ATAT1: variants seen among roughly 807,000 people sequenced by gnomAD.
ATAT1 encodes the protein alpha-tubulin N-acetyltransferase 1.
Under a neutral mutation model 57.2 loss-of-function variants are expected in ATAT1, and 42 were observed. The observed-to-expected ratio is 0.73, with a 90% CI of 0.57 to 0.95. The LOEUF is 0.95. Ranked by LOEUF, ATAT1 falls within the 40% of genes least tolerant of loss-of-function variation. ATAT1 has a pLI of 0.00. For synonymous variants in ATAT1, 168 were observed against 187.1 expected (o/e 0.90, Z 0.83); for missense variants, 454 against 523.7 (o/e 0.87, Z 1.30).
Position 30,646,742 on chromosome 6 carries a change from C to A in ATAT1, c.*99C>A, listed in dbSNP as rs1582896374. 2 of 1,384,628 alleles carry A rather than the reference C, an allele frequency of 1.4e-6. No individual in the cohort carries two copies. The highest frequency in any genetic ancestry group is 2.7e-5 in the East Asian group (1 of 37,562). The allele number at this position is 1,384,628 out of a possible 1,614,324, so 85.8% of individuals were successfully genotyped here. A position where few individuals can be genotyped will look rare whatever the true frequency, so the allele number is the denominator to read the frequency against. On this transcript the variant is annotated 3_prime_UTR_variant, in exon 13 of 13. Transcript: ENST00000330083. ...TAATAGATGGATACATTCATTCATT[C>A]ATTCATTCAGCAGGCTTATCAGATT...
chr6:30,635,718 G>A (rs1462126941), intron 6 of ATAT1, among the ~76,000 whole-genome samples: 1 of 152,218 alleles, frequency 6.6e-6, no homozygotes, highest in African/African-American at 2.4e-5. Flanking sequence ...AGAGGTCTGA[G>A]AAGTTACCAT....
At chr6:30,629,919 C>G (rs1450933256) in intron 6 of ATAT1, among the ~76,000 whole-genome samples, 1 of 152,196 alleles carries the variant, frequency 6.6e-6, no homozygotes, top group Admixed American at 6.5e-5. Context: ...CATTACTCAT[C>G]TGGTCAGTCA....
At chr6:30,642,649 G>GAA (rs377430159) in intron 9 of ATAT1, 119 bp from the exon 10 acceptor site, 686 of 589,908 alleles carry the variant, frequency 1.2e-3, no homozygotes, top group East Asian at 6.9e-3. Context: ...TCTCAAAAAA[G>GAA]AAAAAAAAAA....
chr6:30,629,396 A>G (rs1762369338), intron 6 of ATAT1, among the ~76,000 whole-genome samples: 1 of 151,878 alleles, frequency 6.6e-6, no homozygotes, highest in African/African-American at 2.4e-5. Context: ...GGCATGCACC[A>G]TCATGCCCAG....
At chr6:30,646,250 TC>T in intron 12 of ATAT1, 141 bp downstream of exon 12, 1 of 1,471,508 alleles carries the variant, frequency 6.8e-7, no homozygotes, top group Non-Finnish European at 9.0e-7. Flanking sequence ...CTACCTTACA[TC>T]CTGCAAGCCC....
Position 30,645,972 on chromosome 6 carries a change from C to G in ATAT1, c.1010C>G (p.Thr337Arg). 6.3e-7 allele frequency: 1 copy of G among 1,582,562 alleles called. No homozygotes were observed. The highest frequency in any genetic ancestry group is 8.6e-7 in the Non-Finnish European group (1 of 1,164,228). Residue 337 changes from threonine to arginine, a missense_variant and splice_region_variant, in exon 11 of 13, where the codon ACA becomes AGA. Thr to Arg is a moderately conservative substitution (Grantham distance 71). Coordinates refer to ENST00000330083, the MANE Select transcript of ATAT1 (RefSeq NM_001031722.4). ...GGGGTGAATTCCTCATCCCCCAATA[C>G]AGGTAAGTATTCACTCCTCCCTACC...
At position 30,642,157 on chromosome 6, in the gene ATAT1, A is replaced by T. The variant is rs1765584390; in HGVS notation, c.617-19A>T. ...ATGTCTCCTAACGCTTACCCTGCCTATGTCCCCTCCACTGCCAGCTCCAGC... is the reference window on the plus strand; with the variant it reads ...ATGTCTCCTAACGCTTACCCTGCCTTTGTCCCCTCCACTGCCAGCTCCAGC... On this transcript the variant is annotated intron_variant, in intron 8 of 12. Transcript: ENST00000330083. 5 of 1,613,968 alleles carry T rather than the reference A, an allele frequency of 3.1e-6. No individual in the cohort carries two copies. The East Asian group carries it at 1.1e-4, about 36-fold the overall frequency.
Position 30,643,540 on chromosome 6 carries a change from G to A in ATAT1, c.932+529G>A, listed in dbSNP as rs764462387. On this transcript the variant is annotated intron_variant, in intron 10 of 12. Coordinates refer to ENST00000330083, the MANE Select transcript of ATAT1 (RefSeq NM_001031722.4). ...ACATCCTTCCACAGCTCCCTTCCCC[G>A]CTCTGAGGAGAGTCGATACTAACAG... 239 of 1,548,292 alleles carry A rather than the reference G, an allele frequency of 1.5e-4. 1 individual carries two copies. Among genetic ancestry groups the A allele is most frequent in the South Asian group, 3.0e-4 (25 of 83,914 alleles).
intron 10 of ATAT1, 118 bp downstream of exon 10, chr6:30,643,129 G>C: frequency 2.6e-6 from 4 of 1,511,062 alleles, no homozygotes; most frequent in Non-Finnish European, 3.5e-6. Context: ...GCTTGGGGGG[G>C]GTCCTGAAAC....
chr6:30,642,831 C>CGGGGGGGGGCG lies in ATAT1; in HGVS notation c.752_753insGGGGGGGGGCG (p.Ala252GlyfsTer71). 1 of 1,583,208 alleles carries CGGGGGGGGGCG rather than the reference C, an allele frequency of 6.3e-7. No homozygotes were observed. Among genetic ancestry groups the CGGGGGGGGGCG allele is most frequent in the Non-Finnish European group, 8.6e-7 (1 of 1,162,434 alleles). On this transcript the variant is annotated frameshift_variant, in exon 10 of 13. Transcript: ENST00000330083. LOFTEE classifies it high-confidence loss of function. ...AGGGCCCCTCGCCGCGCCACACCTC[C>CGGGGGGGGGCG]AGCCCACCCACCCCCCCGCTCCAGC...
rs1313681459 is a variant in ATAT1 at position 30,646,339 on chromosome 6, A to G, written c.1056-130A>G. 3.5e-6 allele frequency: 5 copies of G among 1,447,830 alleles called. No individual in the cohort carries two copies. In the African/African-American group the frequency reaches 7.2e-5, roughly 21 times the overall value. 89.7% of individuals were successfully genotyped at this position (1,447,830 alleles called of 1,614,324 possible). A position where few individuals can be genotyped will look rare whatever the true frequency, so the allele number is the denominator to read the frequency against. On this transcript the variant is annotated intron_variant, in intron 12 of 12. Coordinates refer to ENST00000330083, the MANE Select transcript of ATAT1 (RefSeq NM_001031722.4). ...GAGAGGTTTTAAATTTGGACATAGC[A>G]CTAATGGTTCCAGCTTCATACCCAT...
At position 30,640,573 on chromosome 6, in the gene ATAT1, C is replaced by A. The variant is rs1401047783; in HGVS notation, c.586C>A (p.Arg196Ser). 6 of 1,613,012 alleles carry A rather than the reference C, an allele frequency of 3.7e-6. No individual in the cohort carries two copies. Among genetic ancestry groups the A allele is most frequent in the Non-Finnish European group, 5.1e-6 (6 of 1,180,038 alleles). The change falls in exon 8 of 13, where the codon CGT becomes AGT. Residue 196 changes from arginine (R) to serine (S), a missense_variant. Physicochemically the swap from Arg to Ser is moderately radical, Grantham distance 110 (BLOSUM62 -1). Coordinates refer to ENST00000330083, the MANE Select transcript of ATAT1 (RefSeq NM_001031722.4). ...CTCTCTGAGGGCAACTCGACACTCT[C>A]GTGCTGCTGCAGTCGATCCCACGCC...
At chr6:30,629,210 C>A (rs1392598664) in intron 6 of ATAT1, among the ~76,000 whole-genome samples, 4 of 150,228 alleles carry the variant, frequency 2.7e-5, no homozygotes. Context: ...TATTTTGATT[C>A]TTTACCACAA....
chr6:30,642,679 C>T, intron 9 of ATAT1, 89 bp from the exon 10 acceptor site: 1 of 831,554 alleles, frequency 1.2e-6, no homozygotes, highest in Non-Finnish European at 1.9e-6. Context: ...ACTCAGATTT[C>T]TCTTTTTTTC....
intron 6 of ATAT1, among the ~76,000 whole-genome samples, chr6:30,639,970 A>G (rs753534654): frequency 2.7e-4 from 41 of 151,982 alleles, no homozygotes; most frequent in South Asian, 8.3e-4. Flanking sequence ...CCCCATCTCT[A>G]CAAAAAGTTA....
intron 2 of ATAT1, 57 bp downstream of exon 2, chr6:30,627,577 A>AG: frequency 6.2e-7 from 1 of 1,607,220 alleles, no homozygotes; most frequent in Non-Finnish European, 8.5e-7. Flanking sequence ...ATGGTATATA[A>AG]GGGAGGCCTG....
intron 9 of ATAT1, 90 bp from the exon 10 acceptor site, chr6:30,642,678 T>C: frequency 1.2e-6 from 1 of 868,804 alleles, no homozygotes; most frequent in Non-Finnish European, 1.8e-6. Context: ...GACTCAGATT[T>C]CTCTTTTTTT....
At position 30,627,473 on chromosome 6, in the gene ATAT1, C is replaced by A. The variant is rs1383618437; in HGVS notation, c.85C>A (p.Gln29Lys). The change falls in exon 2 of 13, where the codon CAG becomes AAG. Residue 29 changes from glutamine to lysine, a missense_variant. Physicochemically the swap from Gln to Lys is moderately conservative, Grantham distance 53. Transcript: ENST00000330083. Reference sequence around the variant, plus strand: ...CTCTTTCTCTAGTGTTGATCTACAGCAGCAAATTATGACCATTATAGATGA... The same window carrying A: ...CTCTTTCTCTAGTGTTGATCTACAGAAGCAAATTATGACCATTATAGATGA... 6.2e-7 allele frequency: 1 copy of A among 1,613,500 alleles called. No homozygotes were observed. Among genetic ancestry groups the A allele is most frequent in the Non-Finnish European group, 8.5e-7 (1 of 1,179,678 alleles).
chr6:30,628,521 C>A, intron 6 of ATAT1, 91 bp downstream of exon 6: 2 of 1,044,050 alleles, frequency 1.9e-6, no homozygotes, highest in South Asian at 1.5e-5. Flanking sequence ...TATTTCCTAT[C>A]ACATAGGTTT....
Sources: gnomAD v4.1 joint callset for allele counts (sites outside exome capture counted in the v4.1 genomes callset) on GRCh38, gnomAD v4.1.1 for gene constraint, MANE v1.5 for transcripts, NCBI Gene and HGNC (gene_info 2026-07-23, HGNC 2026-07-21) for gene names.